PCDHA8: variants seen among roughly 807,000 people sequenced by gnomAD.
The protein encoded by PCDHA8 is protocadherin alpha 8, also known as protocadherin alpha-8.
A neutral mutation model predicts 61.8 loss-of-function variants in PCDHA8; 53 were observed. The ratio of observed to expected loss-of-function variants is 0.86; its 90% CI spans 0.69 to 1.08. PCDHA8 has a LOEUF of 1.08. Among genes scored for constraint, PCDHA8 ranks in the 50% least tolerant of loss-of-function variants. The probability of loss-of-function intolerance (pLI) is 0.00; values close to 1 mark genes in which losing one functional copy is unlikely to be tolerated. For synonymous variants in PCDHA8, 618 were observed against 556.6 expected, an observed-to-expected ratio of 1.11 and a Z score of -1.55; for missense variants, 1,293 against 1,245.0, an observed-to-expected ratio of 1.04 and a Z score of -0.58.
At chr5:140,942,139 A>C (rs1211983428) in intron 1 of PCDHA8, among the ~76,000 whole-genome samples, 1 of 152,248 alleles carries the variant, frequency 6.6e-6, no homozygotes, top group Non-Finnish European at 1.5e-5. Context: ...TTGTGGCTTT[A>C]CTTGACATAA....
intron 1 of PCDHA8, chr5:140,884,440 G>T: frequency 1.2e-6 from 2 of 1,613,830 alleles, no homozygotes; most frequent in Non-Finnish European, 1.7e-6. Flanking sequence ...TGCGGTGCTC[G>T]GCACCGCCCA....
At chr5:140,884,569 G>A (rs144735555) in intron 1 of PCDHA8, 2 of 1,614,008 alleles carry the variant, frequency 1.2e-6, no homozygotes, top group East Asian at 2.2e-5. Context: ...CGCATAAGAC[G>A]GACCTCATGG....
intron 1 of PCDHA8, chr5:140,849,778 G>C (rs2150449659): frequency 1.9e-6 from 3 of 1,598,508 alleles, no homozygotes; most frequent in Non-Finnish European, 2.6e-6. Context: ...GTTACCGCGC[G>C]GGACGGGGGC....
chr5:140,876,231 A>C (rs1428769390), intron 1 of PCDHA8: 4 of 1,614,004 alleles, frequency 2.5e-6, no homozygotes, highest in Non-Finnish European at 3.4e-6. Flanking sequence ...TGTTGTCTGA[A>C]AATGTCCAAA....
At chr5:140,993,450 CTTCT>C (rs1279887965) in intron 3 of PCDHA8, among the ~76,000 whole-genome samples, 2 of 137,074 alleles carry the variant, frequency 1.5e-5, no homozygotes, top group South Asian at 2.5e-4. Flanking sequence ...TCCTGTTCTC[CTTCT>C]TTCTTTCTCA....
Position 140,856,093 on chromosome 5 carries a change from C to T in PCDHA8, c.2394+12378C>T, listed in dbSNP as rs533343357. 16 of 1,597,146 alleles carry T rather than the reference C, an allele frequency of 1.0e-5. 3 individuals are homozygous for T. Among genetic ancestry groups the T allele is most frequent in the South Asian group, 7.7e-5 (7 of 90,462 alleles). ...GCCTGGGGGTCCAGTGTCTGCTGCT[C>T]TCGCTTCTTCTCCTCGCAGCCTGGG... is the stretch of plus-strand genomic sequence containing the variant. On this transcript the variant is annotated intron_variant, in intron 1 of 3. Coordinates refer to ENST00000531613, the MANE Select transcript of PCDHA8 (RefSeq NM_018911.3).
chr5:141,008,241 C>G (rs1474460463), intron 3 of PCDHA8, among the ~76,000 whole-genome samples: 2 of 152,118 alleles, frequency 1.3e-5, no homozygotes, highest in African/African-American at 2.4e-5. Flanking sequence ...TGCTCAGGGA[C>G]ACCAAATTAG....
intron 2 of PCDHA8, among the ~76,000 whole-genome samples, chr5:140,981,879 A>G (rs1472110145): frequency 3.9e-5 from 6 of 152,158 alleles, no homozygotes; most frequent in Non-Finnish European, 7.3e-5. Context: ...TGCTGAATTA[A>G]TCTCTTCTGA....
At chr5:141,007,448 G>A (rs555583994) in intron 3 of PCDHA8, among the ~76,000 whole-genome samples, 2 of 150,352 alleles carry the variant, frequency 1.3e-5, no homozygotes, top group African/African-American at 4.9e-5. Context: ...TGTGCCTGTA[G>A]TCCCAGCTAC....
At chr5:140,908,179 C>T (rs1158845408) in intron 1 of PCDHA8, among the ~76,000 whole-genome samples, 1 of 152,194 alleles carries the variant, frequency 6.6e-6, no homozygotes, top group Non-Finnish European at 1.5e-5. Context: ...CAGCTGTCCA[C>T]TTTCAGGTGG....
Position 140,856,070 on chromosome 5 carries a change from C to T in PCDHA8, c.2394+12355C>T. 3.1e-6 allele frequency: 5 copies of T among 1,591,758 alleles called. 1 individual carries two copies. Among genetic ancestry groups the T allele is most frequent in the Non-Finnish European group, 4.3e-6 (5 of 1,163,604 alleles). On this transcript the variant is annotated intron_variant, in intron 1 of 3. Coordinates refer to ENST00000531613, the MANE Select transcript of PCDHA8 (RefSeq NM_018911.3). ...TAAGATGGTTTCCAGATGTAGCTGC[C>T]TGGGGGTCCAGTGTCTGCTGCTCTC...
chr5:140,967,404 A>C (rs2096137449), intron 1 of PCDHA8: 1 of 1,612,076 alleles, frequency 6.2e-7, no homozygotes, highest in Non-Finnish European at 8.5e-7. Flanking sequence ...GTGCTGCGTA[A>C]GGGCCTAGAC....
chr5:140,899,267 G>C lies in PCDHA8; in HGVS notation c.2394+55552G>C, dbSNP rs1397421903. Among the ~76,000 whole-genome samples, 367 of 152,064 alleles carry C rather than the reference G, an allele frequency of 2.4e-3. 2 individuals carry two copies. The highest frequency in any genetic ancestry group is 8.5e-3 in the African/African-American group (354 of 41,454). On this transcript the variant is annotated intron_variant, in intron 1 of 3. Coordinates refer to ENST00000531613, the MANE Select transcript of PCDHA8 (RefSeq NM_018911.3). ...TGAGAGAGGGCATCCCTGTCTTGTGGCAGTTTTCAAAGGGAATACTTCCAG... is the reference window on the plus strand; with the variant it reads ...TGAGAGAGGGCATCCCTGTCTTGTGCCAGTTTTCAAAGGGAATACTTCCAG...
chr5:140,999,712 C>T (rs1411166924), intron 3 of PCDHA8, among the ~76,000 whole-genome samples: 9 of 152,204 alleles, frequency 5.9e-5, no homozygotes, highest in African/African-American at 9.6e-5. Flanking sequence ...TAGCTAACTA[C>T]GGAGACCAGC....
At chr5:140,907,995 C>T (rs1441720086) in intron 1 of PCDHA8, among the ~76,000 whole-genome samples, 9 of 152,166 alleles carry the variant, frequency 5.9e-5, no homozygotes, top group African/African-American at 1.9e-4. Flanking sequence ...AGTCCTTAAC[C>T]ATCCAGCCAA....
At chr5:140,983,165 T>A (rs947834633) in intron 3 of PCDHA8, among the ~76,000 whole-genome samples, 14 of 152,220 alleles carry the variant, frequency 9.2e-5, no homozygotes, top group Admixed American at 4.6e-4. Context: ...TTGCCAAACA[T>A]GACCGCCTCA....
At chr5:140,940,547 C>G (rs1256617271) in intron 1 of PCDHA8, among the ~76,000 whole-genome samples, 1 of 152,018 alleles carries the variant, frequency 6.6e-6, no homozygotes, top group Admixed American at 6.6e-5. Flanking sequence ...TTCCTGGGCT[C>G]AAGTGATTCT....
At chr5:140,952,257 C>T (rs1224282193) in intron 1 of PCDHA8, among the ~76,000 whole-genome samples, 1 of 151,342 alleles carries the variant, frequency 6.6e-6, no homozygotes, top group Non-Finnish European at 1.5e-5. Flanking sequence ...GGTGGATTCC[C>T]ATTCTGGGGT....
intron 1 of PCDHA8, chr5:140,882,617 T>TA: frequency 6.2e-7 from 1 of 1,614,218 alleles, no homozygotes; most frequent in Non-Finnish European, 8.5e-7. Context: ...TCTGCAGGTT[T>TA]TCCATGTGGA....
Sources: gnomAD v4.1 joint callset for allele counts (sites outside exome capture counted in the v4.1 genomes callset) on GRCh38, gnomAD v4.1.1 for gene constraint, MANE v1.5 for transcripts, NCBI Gene and HGNC (gene_info 2026-07-23, HGNC 2026-07-21) for gene names.